Variants in XYLB observed in about 807,000 individuals in gnomAD.
XYLB encodes xylulokinase.
XYLB carries 62 observed loss-of-function variants against 78.7 expected under a neutral mutation model. The ratio of observed to expected loss-of-function variants is 0.79; its 90% CI spans 0.64 to 0.97. The LOEUF is 0.97. XYLB is among the 50% of genes least tolerant of loss of function. XYLB has a pLI of 0.00. For missense variants in XYLB, 687 were observed against 676.8 expected (o/e 1.02, Z -0.17); for synonymous variants, 245 against 247.4 (o/e 0.99, Z 0.09).
intron 18 of XYLB, among the ~76,000 whole-genome samples, chr3:38,406,487 C>T (rs1384473759): frequency 6.6e-6 from 1 of 152,240 alleles, no homozygotes; most frequent in African/African-American, 2.4e-5. Context: ...GCCTCTCCTC[C>T]TCCAAAGGAA....
At chr3:38,426,262 T>A (rs7649153), downstream of XYLB, among the ~76,000 whole-genome samples, 107,564 of 152,146 alleles carry the variant, frequency 0.71, 38,431 homozygotes, top group African/African-American at 0.81. Context: ...TCTCCAACAA[T>A]CTGTAATGTG....
chr3:38,364,947 A>G (rs1042487112), intron 4 of XYLB, among the ~76,000 whole-genome samples: 8 of 152,248 alleles, frequency 5.3e-5, no homozygotes, highest in African/African-American at 1.7e-4. Flanking sequence ...TACAAAAGGC[A>G]TTAAAATCCA....
At chr3:38,408,988 A>G (rs1388803375) in intron 18 of XYLB, among the ~76,000 whole-genome samples, 1 of 152,208 alleles carries the variant, frequency 6.6e-6, no homozygotes, top group African/African-American at 2.4e-5. Flanking sequence ...TCCTTCTGAA[A>G]CTATTCCAAT....
chr3:38,432,288 G>T, the XYLB span, among the ~76,000 whole-genome samples: 1 of 152,248 alleles, frequency 6.6e-6, no homozygotes, highest in Non-Finnish European at 1.5e-5. Flanking sequence ...GTTACTTCTG[G>T]CCAGATACAG....
At chr3:38,367,178 G>A (rs1706310370) in intron 7 of XYLB, among the ~76,000 whole-genome samples, 1 of 152,190 alleles carries the variant, frequency 6.6e-6, no homozygotes, top group South Asian at 2.1e-4. Flanking sequence ...TGTCTGAGCA[G>A]GCTGTGTCTG....
chr3:38,365,558 T>C, intron 5 of XYLB, 50 bp from the exon 6 acceptor site: 2 of 1,567,272 alleles, frequency 1.3e-6, no homozygotes, highest in Non-Finnish European at 1.7e-6. Flanking sequence ...GGGGCAGATC[T>C]CCAAGTCAGC....
chr3:38,406,993 G>A (rs1708350612), intron 18 of XYLB, among the ~76,000 whole-genome samples: 1 of 149,582 alleles, frequency 6.7e-6, no homozygotes, highest in African/African-American at 2.5e-5. Context: ...CCCCAATCTA[G>A]CAAGGCAGGC....
chr3:38,450,759 T>C, the XYLB span, among the ~76,000 whole-genome samples: 4 of 152,220 alleles, frequency 2.6e-5, no homozygotes, highest in African/African-American at 9.7e-5. Context: ...CTTTGGTTAC[T>C]ATATGGAAGA....
At chr3:38,426,645 G>A in the XYLB span, among the ~76,000 whole-genome samples, 1 of 152,190 alleles carries the variant, frequency 6.6e-6, no homozygotes, top group Non-Finnish European at 1.5e-5. Flanking sequence ...AAATACAAAT[G>A]AAATTGGTCA....
At chr3:38,409,121 G>A (rs1035959198) in intron 18 of XYLB, among the ~76,000 whole-genome samples, 1 of 152,206 alleles carries the variant, frequency 6.6e-6, no homozygotes, top group African/African-American at 2.4e-5. Context: ...GATGAGCATT[G>A]ATGCAAAAAC....
At chr3:38,368,563 G>A (rs1443360817) in intron 8 of XYLB, among the ~76,000 whole-genome samples, 1 of 152,214 alleles carries the variant, frequency 6.6e-6, no homozygotes, top group African/African-American at 2.4e-5. Flanking sequence ...AGCCGGGGCT[G>A]CAGTCATCTG....
chr3:38,358,153 T>C (rs981824859), intron 2 of XYLB, among the ~76,000 whole-genome samples: 4 of 123,882 alleles, frequency 3.2e-5, no homozygotes, highest in Non-Finnish European at 5.1e-5. Flanking sequence ...AAAATTTTCC[T>C]TCTTTTCAGG....
At chr3:38,393,788 C>CCA (rs1707764930) in intron 15 of XYLB, among the ~76,000 whole-genome samples, 1 of 151,980 alleles carries the variant, frequency 6.6e-6, no homozygotes, top group African/African-American at 2.4e-5. Context: ...GGATTAGGGC[C>CCA]CACCCCTAAT....
At chr3:38,419,451 T>C (rs1559628627), downstream of XYLB, among the ~76,000 whole-genome samples, 2 of 151,360 alleles carry the variant, frequency 1.3e-5, no homozygotes, top group South Asian at 4.2e-4. Context: ...AATCATATAG[T>C]AATTCTGTTT....
chr3:38,418,322 C>A (rs1046945186), downstream of XYLB, among the ~76,000 whole-genome samples: 1 of 151,660 alleles, frequency 6.6e-6, no homozygotes, highest in Non-Finnish European at 1.5e-5. Context: ...TGATAAAATT[C>A]TGTGTTACCA....
the XYLB span, among the ~76,000 whole-genome samples, chr3:38,442,708 A>G: frequency 6.9e-6 from 1 of 144,752 alleles, no homozygotes; most frequent in Admixed American, 7.0e-5. Context: ...GGGGTGTTGC[A>G]GGGACTGCTG....
chr3:38,419,603 T>TATATATATATATATATATATATATATA (rs71085322), downstream of XYLB, among the ~76,000 whole-genome samples: 47 of 80,876 alleles, frequency 5.8e-4, no homozygotes, highest in Middle Eastern at 7.0e-3. Flanking sequence ...TATATATATA[T>TATATATATATATATATATATATATATA]AATAGCCATC....
At chr3:38,348,462 G>A in intron 1 of XYLB, 88 bp from the exon 2 acceptor site, 2 of 1,261,582 alleles carry the variant, frequency 1.6e-6, no homozygotes, top group Non-Finnish European at 2.3e-6. Flanking sequence ...CCTAGGGTGT[G>A]GGGCCTCATC....
intron 18 of XYLB, among the ~76,000 whole-genome samples, chr3:38,404,575 C>T (rs1252775383): frequency 1.3e-5 from 2 of 152,132 alleles, no homozygotes; most frequent in East Asian, 1.9e-4. Context: ...CCAGCACTTT[C>T]GGAGGCCGAG....
Sources: allele counts gnomAD v4.1 joint callset (sites outside exome capture counted in the v4.1 genomes callset), GRCh38; gene constraint gnomAD v4.1.1; transcripts MANE v1.5; gene names NCBI Gene and HGNC (gene_info 2026-07-23, HGNC 2026-07-21).